Variants in TNS1 observed in about 807,000 individuals in gnomAD.
The protein encoded by TNS1 is tensin 1.
Under a neutral mutation model 168.6 loss-of-function variants are expected in TNS1, and 62 were observed. That is an observed-to-expected ratio of 0.37 (90% CI 0.30 to 0.45). TNS1 has a LOEUF of 0.45. Among genes scored for constraint, TNS1 ranks in the 20% least tolerant of loss-of-function variants. TNS1 has a pLI of 1.00. For synonymous variants in TNS1, 934 were observed against 933.2 expected, an observed-to-expected ratio of 1.00 and a Z score of -0.02; for missense variants, 2,240 against 2,339.4, an observed-to-expected ratio of 0.96 and a Z score of 0.88.
chr2:218,029,836 T>A (rs928486314), intron 1 of TNS1, among the ~76,000 whole-genome samples: 9 of 152,218 alleles, frequency 5.9e-5, no homozygotes, highest in African/African-American at 2.2e-4. Flanking sequence ...GCCAAGTATG[T>A]GAGTACGTGC....
chr2:217,867,076 T>C (rs1176896082), intron 18 of TNS1, among the ~76,000 whole-genome samples: 1 of 152,212 alleles, frequency 6.6e-6, no homozygotes, highest in Non-Finnish European at 1.5e-5. Flanking sequence ...TTTCTTCATC[T>C]GTGAAATAGG....
intron 2 of TNS1, among the ~76,000 whole-genome samples, chr2:217,980,044 G>A (rs553295909): frequency 9.8e-5 from 15 of 152,292 alleles, no homozygotes; most frequent in Admixed American, 9.1e-4. Context: ...GTCTGAGGCA[G>A]AAGGGGCTGG....
intron 6 of TNS1, 47 bp downstream of exon 6, chr2:217,906,288 G>A (rs1030052924): frequency 8.1e-6 from 4 of 493,498 alleles, no homozygotes; most frequent in African/African-American, 7.3e-5. Context: ...CATTCCCCCT[G>A]GCCACCAGGG....
intron 18 of TNS1, chr2:217,858,652 T>G (rs913531166): frequency 7.4e-6 from 4 of 537,336 alleles, no homozygotes; most frequent in Non-Finnish European, 9.0e-6. Flanking sequence ...GAGGAGCCAG[T>G]GCCGCCTGCC....
At chr2:218,014,919 G>A (rs527473707), upstream of TNS1, among the ~76,000 whole-genome samples, 29 of 78,274 alleles carry the variant, frequency 3.7e-4, no homozygotes, top group African/African-American at 1.2e-3. Flanking sequence ...AAGGAAGGAA[G>A]GAAGGCAGGC....
chr2:217,910,604 T>A (rs1354979376), intron 4 of TNS1, among the ~76,000 whole-genome samples: 1 of 151,832 alleles, frequency 6.6e-6, no homozygotes, highest in African/African-American at 2.4e-5. Context: ...CCATTGACAC[T>A]GCCTAATGAG....
chr2:217,830,020 G>C, intron 22 of TNS1: 1 of 1,475,502 alleles, frequency 6.8e-7, no homozygotes, highest in Non-Finnish European at 9.0e-7. Context: ...AGAATCTGTG[G>C]AGAAAACGGA....
chr2:217,837,137 G>A (rs1341621182), intron 19 of TNS1, among the ~76,000 whole-genome samples: 1 of 152,128 alleles, frequency 6.6e-6, no homozygotes, highest in East Asian at 1.9e-4. Flanking sequence ...ACTCTCTTCT[G>A]GGAAGAGATT....
chr2:217,927,521 G>C (rs1424614781), intron 3 of TNS1, among the ~76,000 whole-genome samples: 1 of 152,180 alleles, frequency 6.6e-6, no homozygotes, highest in East Asian at 1.9e-4. Flanking sequence ...TAGGGTCTGG[G>C]GGAGCTGAAG....
At position 217,897,900 on chromosome 2, in the gene TNS1, G is replaced by C. The variant is rs1401373721; in HGVS notation, c.441C>G (p.Ile147Met). 6.2e-7 allele frequency: 1 copy of C among 1,613,742 alleles called. No homozygotes were observed. Among genetic ancestry groups the C allele is most frequent in the Non-Finnish European group, 8.5e-7 (1 of 1,179,784 alleles). The part of the protein sequence containing the change: ...ELDLVYVTER[I>M]IAVSFPSTAN... ...CTGTGCTGGGGAAGGAGACAGCGAT[G>C]ATCCTCTCTGTGACGTACACCAGGT... Residue 147 changes from isoleucine (I) to methionine (M), a missense_variant, in exon 8 of 33, where the codon ATC becomes ATG. Ile to Met is a conservative substitution (Grantham distance 10, BLOSUM62 1). This residue lies in a region of TNS1 where 2,131 missense variants were observed against 2,171.2 expected (regional missense o/e 0.98). Transcript: ENST00000682258.
At chr2:217,814,523 C>A (rs375602642) in intron 25 of TNS1, among the ~76,000 whole-genome samples, 1 of 152,210 alleles carries the variant, frequency 6.6e-6, no homozygotes, top group East Asian at 1.9e-4. Flanking sequence ...CCGTTGCTGA[C>A]CCCTGTCCCA....
intron 23 of TNS1, among the ~76,000 whole-genome samples, chr2:217,819,459 G>A (rs1378042013): frequency 6.6e-6 from 1 of 152,210 alleles, no homozygotes; most frequent in South Asian, 2.1e-4. Context: ...CCTGAATGCT[G>A]TAGAGGGAAT....
intron 6 of TNS1, chr2:217,905,492 C>T: frequency 5.8e-6 from 2 of 342,822 alleles, no homozygotes; most frequent in South Asian, 4.3e-5. Flanking sequence ...TCCCGCAGCA[C>T]TCCCTCCAGG....
In TNS1 at chr2:217,848,458, C is replaced by G; in HGVS notation, c.2059G>C (p.Glu687Gln). The change falls in exon 19 of 33, where the codon GAG becomes CAG. Residue 687 changes from glutamate to glutamine, a missense_variant. Coordinates refer to ENST00000682258, the MANE Select transcript of TNS1 (RefSeq NM_001387777.1). ...GCAGGCCCCGCCCGGCTGGCAGACT[C>G]GTAGGGGTAGCCTCCTCCATTGACC... ...PMVNGGGYPYESASRAGPAHA... is the reference protein window; with the variant it reads ...PMVNGGGYPYQSASRAGPAHA... 6.2e-7 allele frequency: 1 copy of G among 1,612,860 alleles called. No homozygotes were observed. Among genetic ancestry groups the G allele is most frequent in the Non-Finnish European group, 8.5e-7 (1 of 1,179,202 alleles).
In TNS1 at chr2:217,813,784, C is replaced by T; in HGVS notation, c.4762G>A (p.Ala1588Thr). The T allele has an allele frequency of 3.7e-6, 6 of 1,613,140 alleles. No individual in the cohort carries two copies. Among genetic ancestry groups the T allele is most frequent in the Non-Finnish European group, 5.1e-6 (6 of 1,179,526 alleles). Residue 1588 changes from alanine (A) to threonine (T), a missense_variant, in exon 26 of 33, where the codon GCC becomes ACC. This residue lies in a region of TNS1 where 2,131 missense variants were observed against 2,171.2 expected (regional missense o/e 0.98). Coordinates refer to ENST00000682258, the MANE Select transcript of TNS1 (RefSeq NM_001387777.1). This position sits in a 1 kb window ranked among gnomAD's most constrained non-coding sequence, Gnocchi z 4.0. ...IALLKDQEPG[A>T]FIIRDSHSFR... ...GAGTGACTGTCGCGGATGATGAAGGCCCCCGGCTCCTGGTCCTTGAGGAGC... is the reference window on the plus strand; with the variant it reads ...GAGTGACTGTCGCGGATGATGAAGGTCCCCGGCTCCTGGTCCTTGAGGAGC...
intron 16 of TNS1, 62 bp from the exon 17 acceptor site, chr2:217,882,473 G>T: frequency 8.4e-7 from 1 of 1,187,606 alleles, no homozygotes; most frequent in Admixed American, 2.3e-5. Context: ...TCCATAAAAA[G>T]TTTTCTTCTA....
intron 18 of TNS1, among the ~76,000 whole-genome samples, chr2:217,869,431 G>A (rs565137380): frequency 6.6e-6 from 1 of 152,356 alleles, no homozygotes; most frequent in East Asian, 1.9e-4. Flanking sequence ...TCACCACGGA[G>A]GGTTAGATGC....
chr2:217,917,339 C>T (rs904453590), intron 4 of TNS1, among the ~76,000 whole-genome samples: 2 of 152,200 alleles, frequency 1.3e-5, no homozygotes, highest in Non-Finnish European at 2.9e-5. Context: ...TGCAAGGCAG[C>T]GGGGACACAG....
chr2:217,924,430 T>G (rs554922991), intron 3 of TNS1, among the ~76,000 whole-genome samples: 10 of 152,314 alleles, frequency 6.6e-5, no homozygotes, highest in Non-Finnish European at 1.5e-4. Context: ...TTGTCTATAA[T>G]CTGTTTCCTC....
Sources: allele counts gnomAD v4.1 joint callset (sites outside exome capture counted in the v4.1 genomes callset), GRCh38; gene constraint gnomAD v4.1.1; regional missense constraint gnomAD v4.1.1; non-coding constraint Gnocchi (gnomAD v3.1); transcripts MANE v1.5; gene names NCBI Gene and HGNC (gene_info 2026-07-23, HGNC 2026-07-21).